The following IL13RA2 variants were observed in gnomAD, a reference collection of about 807,000 sequenced individuals.
The protein encoded by IL13RA2 is interleukin 13 receptor subunit alpha 2, also known as interleukin-13 receptor subunit alpha-2.
IL13RA2 carries 25 observed loss-of-function variants against 34.1 expected under a neutral mutation model. That is an observed-to-expected ratio of 0.73 (90% CI 0.53 to 1.03). IL13RA2 has a LOEUF of 1.03. Among genes scored for constraint, IL13RA2 ranks in the 50% least tolerant of loss-of-function variants. The pLI is 0.00. For synonymous variants in IL13RA2, 106 were observed against 100.4 expected, an observed-to-expected ratio of 1.06 and a Z score of -0.33; for missense variants, 297 against 280.9, an observed-to-expected ratio of 1.06 and a Z score of -0.41.
chrX:115,016,668 T>G (rs2071729050), intron 2 of IL13RA2, among the ~76,000 whole-genome samples: 1 of 106,879 alleles, frequency 9.4e-6, no homozygotes, highest in Admixed American at 1.0e-4. Context: ...TATAATAATA[T>G]ACTATAAATA....
At chrX:115,012,777 C>CAAA (rs112232206) in intron 5 of IL13RA2, among the ~76,000 whole-genome samples, 1 of 95,840 alleles carries the variant, frequency 1.0e-5, no homozygotes, top group African/African-American at 3.7e-5. Context: ...AACAAACAAA[C>CAAA]AAAAAAAAAA....
intron 2 of IL13RA2, among the ~76,000 whole-genome samples, chrX:115,016,741 T>A (rs2071729667): frequency 9.4e-6 from 1 of 106,890 alleles, no homozygotes; most frequent in South Asian, 3.8e-4. Context: ...AATTGAAAAA[T>A]TAAATAATTC....
chrX:115,017,081 C>T, intron 2 of IL13RA2, 95 bp downstream of exon 2: 2 of 538,539 alleles, frequency 3.7e-6, no homozygotes, highest in Non-Finnish European at 3.2e-6. Context: ...TATGCACTTC[C>T]ATAAGGCAGG....
chrX:115,013,156 G>C (rs2071712951), intron 5 of IL13RA2, among the ~76,000 whole-genome samples: 1 of 110,864 alleles, frequency 9.0e-6, no homozygotes, highest in African/African-American at 3.3e-5. Context: ...GAATAAAAAG[G>C]GGAGAGATTG....
In IL13RA2 at chrX:115,008,094, A is replaced by C. The variant is rs1556508074; in HGVS notation, c.853-18T>G. ...GTAGCAGTCTGAAAGCCAAGGACAA[A>C]ATCAGATGCCATTATTTGATCTAGT... On this transcript the variant is annotated intron_variant, in intron 7 of 9. Coordinates refer to ENST00000243213, the MANE Select transcript of IL13RA2 (RefSeq NM_000640.3). 2 of 1,090,739 alleles carry C rather than the reference A, an allele frequency of 1.8e-6. No homozygotes were observed. Among genetic ancestry groups the C allele is most frequent in the Non-Finnish European group, 2.5e-6 (2 of 788,715 alleles). The allele number at this position is 1,090,739 out of a possible 1,213,427, so 89.9% of individuals were successfully genotyped here.
At position 115,009,490 on chromosome X, in the gene IL13RA2, T is replaced by G. The variant is rs368085295; in HGVS notation, c.852+31A>C. ...TATTTTATTTAAAAGGCTGTAGTTA[T>G]GATTTTCCCAAATAAATGCAATATT... On this transcript the variant is annotated intron_variant, in intron 7 of 9. Transcript: ENST00000243213. 6 of 1,143,165 alleles carry G rather than the reference T, an allele frequency of 5.2e-6. No individual in the cohort carries two copies. In the African/African-American group the frequency reaches 1.1e-4, roughly 20 times the overall value. The allele number at this position is 1,143,165 out of a possible 1,213,427, so 94.2% of individuals were successfully genotyped here. A position where few individuals can be genotyped will look rare whatever the true frequency, so the allele number is the denominator to read the frequency against.
intron 2 of IL13RA2, among the ~76,000 whole-genome samples, chrX:115,016,159 G>A (rs979192435): frequency 1.8e-5 from 2 of 110,941 alleles, no homozygotes; most frequent in African/African-American, 6.7e-5. Flanking sequence ...AAACAATGCA[G>A]GGTGACTGCT....
intron 3 of IL13RA2, among the ~76,000 whole-genome samples, 200 bp downstream of exon 3, chrX:115,015,470 T>C (rs1379649009): frequency 9.0e-6 from 1 of 111,579 alleles, no homozygotes; most frequent in Non-Finnish European, 1.9e-5. Flanking sequence ...TTTTTTCTTG[T>C]TCTTCCAATG....
intron 9 of IL13RA2, 102 bp from the exon 10 acceptor site, chrX:115,004,208 A>C: frequency 2.1e-6 from 1 of 482,433 alleles, no homozygotes; most frequent in Non-Finnish European, 3.7e-6. Context: ...TCAGCAAACA[A>C]AGTGAAGCAT....
chrX:115,007,969 TC>T lies in IL13RA2; in HGVS notation c.959del (p.Gly320GlufsTer33). 1 of 1,127,802 alleles carries T rather than the reference TC, an allele frequency of 8.9e-7. No homozygotes were observed. Among genetic ancestry groups the T allele is most frequent in the Middle Eastern group, 2.4e-4 (1 of 4,135 alleles). 92.9% of individuals were successfully genotyped at this position (1,127,802 alleles called of 1,213,427 possible). On this transcript the variant is annotated frameshift_variant, in exon 8 of 10. Coordinates refer to ENST00000243213, the MANE Select transcript of IL13RA2 (RefSeq NM_000640.3). LOFTEE classifies it high-confidence loss of function. ...GTTTATCACTCCACTCACTCCAAAT[TC>T]CGTCATCTGAGCAATAAATATTCAC... ...SKVNIYCSDD[G>X]IWSEWSDKQC...
At chrX:115,009,410 T>C (rs781816292) in intron 7 of IL13RA2, 111 bp downstream of exon 7, 1 of 533,208 alleles carries the variant, frequency 1.9e-6, no homozygotes, top group East Asian at 3.4e-5. Flanking sequence ...AACTAAGATA[T>C]ATGTCATGTT....
intron 9 of IL13RA2, among the ~76,000 whole-genome samples, chrX:115,004,515 G>A (rs1285552152): frequency 9.3e-6 from 1 of 107,549 alleles, no homozygotes; most frequent in East Asian, 3.0e-4. Flanking sequence ...GCTGAGGCAG[G>A]AGGATTGCTT....
intron 7 of IL13RA2, among the ~76,000 whole-genome samples, chrX:115,008,661 C>CAGTTATGAG (rs2147585381): frequency 8.9e-6 from 1 of 111,767 alleles, no homozygotes; most frequent in East Asian, 2.8e-4. Context: ...ACTATTGCTA[C>CAGTTATGAG]AGTTATGAGA....
chrX:115,013,421 GA>G (rs2071714177), intron 5 of IL13RA2, among the ~76,000 whole-genome samples: 1 of 111,203 alleles, frequency 9.0e-6, no homozygotes, highest in Non-Finnish European at 1.9e-5. Flanking sequence ...GAGGGAGTCA[GA>G]AAAAAATTCA....
At chrX:115,015,642 T>C (rs2071723916) in intron 3 of IL13RA2, 28 bp downstream of exon 3, 1 of 1,174,591 alleles carries the variant, frequency 8.5e-7, no homozygotes, top group Non-Finnish European at 1.2e-6. Context: ...ATGATCACTC[T>C]GATACGGCAA....
intron 8 of IL13RA2, among the ~76,000 whole-genome samples, chrX:115,005,790 AC>A (rs2071683117): frequency 8.9e-6 from 1 of 112,013 alleles, no homozygotes. Context: ...TTTTAAGGTT[AC>A]CTTTTTAAAG....
rs782111645 is a variant in IL13RA2, at chrX:115,014,246, T to C, written c.400+175A>G. Reference sequence around the variant, plus strand: ...AATATACAGGTTTTGCCAAAGGTATTTGCTGATTTAAAGAATTTTAAAAGG... The same window carrying C: ...AATATACAGGTTTTGCCAAAGGTATCTGCTGATTTAAAGAATTTTAAAAGG... On this transcript the variant is annotated intron_variant, in intron 4 of 9. Transcript: ENST00000243213. 2.4e-4 allele frequency among the ~76,000 whole-genome samples: 27 copies of C among 111,714 alleles called. 1 individual carries two copies. Among genetic ancestry groups the C allele is most frequent in the Admixed American group, 1.7e-3 (18 of 10,525 alleles).
chrX:115,004,249 G>T lies in IL13RA2; in HGVS notation c.1117-143C>A, dbSNP rs1602971546. On this transcript the variant is annotated intron_variant, in intron 9 of 9. Transcript: ENST00000243213. Reference sequence around the variant, plus strand: ...ACACATTCACTTTTCTCTCTATCTTGAAAAGATATGGCATTGAGATATCTT... The same window carrying T: ...ACACATTCACTTTTCTCTCTATCTTTAAAAGATATGGCATTGAGATATCTT... 9 of 388,856 alleles carry T rather than the reference G, an allele frequency of 2.3e-5. No individual in the cohort carries two copies. The South Asian group carries it at 3.8e-4, about 17-fold the overall frequency. 32.0% of individuals were successfully genotyped at this position (388,856 alleles called of 1,213,427 possible). A position where few individuals can be genotyped will look rare whatever the true frequency, so the allele number is the denominator to read the frequency against.
chrX:115,013,858 A>G lies in IL13RA2; in HGVS notation c.432T>C (p.Asp144=). 1 of 1,021,570 alleles carries G rather than the reference A, an allele frequency of 9.8e-7. No homozygotes were observed. Among genetic ancestry groups the G allele is most frequent in the Non-Finnish European group, 1.4e-6 (1 of 723,933 alleles). The allele number at this position is 1,021,570 out of a possible 1,213,427, so 84.2% of individuals were successfully genotyped here. A position where few individuals can be genotyped will look rare whatever the true frequency, so the allele number is the denominator to read the frequency against. ...GIPETKVQDM[D]CVYYNWQYLL... ...AATATTGCCAATTGTAATATACGCAATCCATATCCTGAACTTTAGTTTCTG... is the reference window on the plus strand; with the variant it reads ...AATATTGCCAATTGTAATATACGCAGTCCATATCCTGAACTTTAGTTTCTG... Residue 144 remains aspartate (D), a synonymous_variant, in exon 5 of 10, where the codon GAT becomes GAC. Coordinates refer to ENST00000243213, the MANE Select transcript of IL13RA2 (RefSeq NM_000640.3).
Sources: allele counts gnomAD v4.1 joint callset (sites outside exome capture counted in the v4.1 genomes callset), GRCh38; gene constraint gnomAD v4.1.1; transcripts MANE v1.5; gene names NCBI Gene and HGNC (gene_info 2026-07-23, HGNC 2026-07-21).